The following DCDC1 variants were observed in gnomAD, a reference collection of about 807,000 sequenced individuals.
DCDC1 encodes doublecortin domain containing 1, also known as doublecortin domain-containing protein 1.
DCDC1 carries 200 observed loss-of-function variants against 178.3 expected under a neutral mutation model. The ratio of observed to expected loss-of-function variants is 1.12; its 90% CI spans 1.00 to 1.26. The LOEUF (loss-of-function observed/expected upper bound fraction) is 1.26, where lower values mean the gene tolerates loss of function less well. Among genes scored for constraint, DCDC1 ranks in the 50% most tolerant of loss-of-function variants. The pLI, the probability that DCDC1 is intolerant of heterozygous loss-of-function variation, is 0.00. For missense variants in DCDC1, 1,983 were observed against 1,749.2 expected (o/e 1.13, Z -2.38); for synonymous variants, 690 against 604.8 (o/e 1.14, Z -2.07).
intron 18 of DCDC1, among the ~76,000 whole-genome samples, chr11:31,071,876 TC>T (rs771571540): frequency 2.0e-5 from 3 of 152,338 alleles, no homozygotes; most frequent in South Asian, 2.1e-4. Context: ...AGTTAGATCT[TC>T]CAGCCTTGGT....
chr11:31,219,391 A>G (rs1189350972), intron 9 of DCDC1, among the ~76,000 whole-genome samples: 1 of 152,144 alleles, frequency 6.6e-6, no homozygotes, highest in Non-Finnish European at 1.5e-5. Flanking sequence ...AGCATTTTCA[A>G]TAAACTAGCC....
At chr11:31,012,997 T>TA (rs1468901145) in intron 20 of DCDC1, among the ~76,000 whole-genome samples, 5 of 152,178 alleles carry the variant, frequency 3.3e-5, no homozygotes, top group African/African-American at 7.2e-5. Flanking sequence ...TTTTAATTTC[T>TA]AAAAAAACAA....
At chr11:31,125,108 G>A (rs1394067047) in intron 11 of DCDC1, among the ~76,000 whole-genome samples, 1 of 151,868 alleles carries the variant, frequency 6.6e-6, no homozygotes, top group Non-Finnish European at 1.5e-5. Context: ...TTAAAAAGTG[G>A]GCAAAGGATA....
chr11:31,206,872 C>T (rs1460446234), intron 9 of DCDC1, among the ~76,000 whole-genome samples: 1 of 152,148 alleles, frequency 6.6e-6, no homozygotes, highest in Non-Finnish European at 1.5e-5. Flanking sequence ...TTTAGCAATA[C>T]TTGGGACTTT....
chr11:31,136,817 T>C (rs1963191333), intron 10 of DCDC1, among the ~76,000 whole-genome samples: 1 of 152,150 alleles, frequency 6.6e-6, no homozygotes, highest in Non-Finnish European at 1.5e-5. Flanking sequence ...TGGACTATGC[T>C]GTCAACTTTA....
intron 20 of DCDC1, among the ~76,000 whole-genome samples, chr11:30,997,327 T>C (rs1258313331): frequency 6.6e-6 from 1 of 152,182 alleles, no homozygotes; most frequent in African/African-American, 2.4e-5. Flanking sequence ...GCTTTTACTG[T>C]CTGCAAAGTA....
chr11:31,027,944 C>T (rs534172985), intron 20 of DCDC1, among the ~76,000 whole-genome samples: 31 of 151,826 alleles, frequency 2.0e-4, no homozygotes, highest in African/African-American at 5.8e-4. Flanking sequence ...CATATTGCAA[C>T]GATATTCTCA....
intron 32 of DCDC1, among the ~76,000 whole-genome samples, chr11:30,901,319 T>G (rs1253319094): frequency 6.6e-6 from 1 of 152,174 alleles, no homozygotes; most frequent in Non-Finnish European, 1.5e-5. Flanking sequence ...TCTCATGTGA[T>G]TCTAAAAATG....
chr11:31,033,438 T>C (rs948082124), intron 20 of DCDC1, among the ~76,000 whole-genome samples: 13 of 152,168 alleles, frequency 8.5e-5, no homozygotes, highest in African/African-American at 2.4e-4. Flanking sequence ...ATTCCTTCTA[T>C]ATTTATAACT....
intron 38 of DCDC1, among the ~76,000 whole-genome samples, chr11:30,873,358 T>TAGAG (rs1185841948): frequency 0.013 from 1,771 of 137,926 alleles, 30 homozygotes; most frequent in African/African-American, 0.036. Context: ...TATATATATA[T>TAGAG]ATATATAGAG....
chr11:31,243,305 A>G (rs1977412405), intron 8 of DCDC1, among the ~76,000 whole-genome samples: 1 of 151,780 alleles, frequency 6.6e-6, no homozygotes, highest in Non-Finnish European at 1.5e-5. Flanking sequence ...CTACACATTC[A>G]TATATTACTA....
Position 30,922,650 on chromosome 11 carries a change from A to G in DCDC1, c.2998-12T>C, listed in dbSNP as rs567243132. 1.4e-5 allele frequency: 22 copies of G among 1,520,160 alleles called. No individual in the cohort carries two copies. In the East Asian group the frequency reaches 4.8e-4, roughly 33 times the overall value. The allele number at this position is 1,520,160 out of a possible 1,614,324, so 94.2% of individuals were successfully genotyped here. On this transcript the variant is annotated splice_polypyrimidine_tract_variant and intron_variant, in intron 23 of 38. Transcript: ENST00000684477. ...CATGAAACATACACCTATCAAACAA[A>G]GCATCTCTTATCCTGTATATAATTG...
chr11:31,161,551 G>T (rs1055272153), intron 9 of DCDC1, among the ~76,000 whole-genome samples: 3 of 152,118 alleles, frequency 2.0e-5, no homozygotes, highest in African/African-American at 7.2e-5. Context: ...ATCAGAAAAG[G>T]TGGCACAGCA....
intron 36 of DCDC1, among the ~76,000 whole-genome samples, chr11:30,888,060 AAGAG>A (rs59618526): frequency 0.017 from 1,245 of 73,446 alleles, 45 homozygotes; most frequent in African/African-American, 0.068. Context: ...GAAAGAAAGA[AAGAG>A]AGAGAGAGAG....
At chr11:30,988,131 T>C (rs1162752056) in intron 20 of DCDC1, among the ~76,000 whole-genome samples, 1 of 152,142 alleles carries the variant, frequency 6.6e-6, no homozygotes, top group Admixed American at 6.6e-5. Flanking sequence ...AGAGTGAAAT[T>C]ATCTGGTTTT....
intron 9 of DCDC1, among the ~76,000 whole-genome samples, chr11:31,233,052 C>T (rs1256848264): frequency 2.7e-5 from 4 of 150,902 alleles, no homozygotes. Context: ...CGTGCCACTG[C>T]ACTCCAGCCT....
chr11:30,984,142 T>C (rs980320045), intron 20 of DCDC1, among the ~76,000 whole-genome samples: 4 of 151,946 alleles, frequency 2.6e-5, no homozygotes, highest in African/African-American at 9.7e-5. Flanking sequence ...ATAAATGGAG[T>C]TTATTCCATG....
At chr11:31,121,784 A>G (rs533834857) in intron 11 of DCDC1, among the ~76,000 whole-genome samples, 4 of 152,178 alleles carry the variant, frequency 2.6e-5, no homozygotes, top group South Asian at 4.1e-4. Context: ...CAGAGTGATG[A>G]AAATCATGAA....
At chr11:31,083,951 G>A (rs1957337608) in intron 17 of DCDC1, among the ~76,000 whole-genome samples, 1 of 152,160 alleles carries the variant, frequency 6.6e-6, no homozygotes, top group African/African-American at 2.4e-5. Flanking sequence ...TAGTTTATCT[G>A]TAAGGTGTCC....
Sources: allele counts gnomAD v4.1 joint callset (sites outside exome capture counted in the v4.1 genomes callset), GRCh38; gene constraint gnomAD v4.1.1; transcripts MANE v1.5; gene names NCBI Gene and HGNC (gene_info 2026-07-23, HGNC 2026-07-21).